The following DLG2 variants were observed in gnomAD, a reference collection of about 807,000 sequenced individuals.
DLG2 encodes the protein disks large homolog 2.
A neutral mutation model predicts 132.5 loss-of-function variants in DLG2; 45 were observed. The ratio of observed to expected loss-of-function variants is 0.34; its 90% CI spans 0.27 to 0.44. The LOEUF is 0.44. Ranked by LOEUF, DLG2 falls within the 20% of genes least tolerant of loss-of-function variation. The pLI is 1.00. For synonymous variants in DLG2, 424 were observed against 419.6 expected (o/e 1.01, Z -0.13); for missense variants, 1,045 against 1,196.9 (o/e 0.87, Z 1.87).
chr11:84,879,537 T>A (rs919923647), intron 6 of DLG2, among the ~76,000 whole-genome samples: 1 of 152,070 alleles, frequency 6.6e-6, no homozygotes, highest in Non-Finnish European at 1.5e-5. Flanking sequence ...GATGAAGATG[T>A]CAAGAGACAG....
At chr11:84,366,926 A>G (rs958142375) in intron 7 of DLG2, among the ~76,000 whole-genome samples, 2 of 152,106 alleles carry the variant, frequency 1.3e-5, no homozygotes, top group Non-Finnish European at 2.9e-5. Flanking sequence ...CAACAAGGAT[A>G]CCCAGGAATT....
chr11:84,984,591 T>C (rs1225082265), intron 6 of DLG2, among the ~76,000 whole-genome samples: 1 of 124,162 alleles, frequency 8.1e-6, no homozygotes, highest in East Asian at 3.2e-4. Context: ...AAAAAAACCT[T>C]CCAAGGTATA....
chr11:83,627,424 T>A (rs2062768208), intron 19 of DLG2, among the ~76,000 whole-genome samples: 1 of 152,022 alleles, frequency 6.6e-6, no homozygotes, highest in African/African-American at 2.4e-5. Flanking sequence ...CCATGTGTTC[T>A]CATTGTTCAA....
chr11:84,821,417 T>C lies in DLG2; in HGVS notation c.358-286686A>G, dbSNP rs61897879. Among the ~76,000 whole-genome samples the C allele has an allele frequency of 5.7e-3, 862 of 151,844 alleles. 5 individuals are homozygous for C. Among genetic ancestry groups the C allele is most frequent in the South Asian group, 0.015 (71 of 4,820 alleles). ...GTAGAAGAAGCCATATATAAATGAA[T>C]AAACGTGACCATATTCCAATAAAAC... is the stretch of plus-strand genomic sequence containing the variant. On this transcript the variant is annotated intron_variant, in intron 6 of 27. Transcript: ENST00000376104.
chr11:85,044,218 G>A (rs1358183589), intron 6 of DLG2, among the ~76,000 whole-genome samples: 1 of 151,902 alleles, frequency 6.6e-6, no homozygotes, highest in African/African-American at 2.4e-5. Context: ...TGCTGCTCCT[G>A]TTGTGCTACT....
chr11:84,325,175 G>A (rs1042958162), intron 7 of DLG2, among the ~76,000 whole-genome samples: 3 of 151,624 alleles, frequency 2.0e-5, no homozygotes, highest in African/African-American at 7.3e-5. Flanking sequence ...TATATTGTAA[G>A]GTAATTTTCT....
intron 4 of DLG2, among the ~76,000 whole-genome samples, chr11:85,180,876 A>T (rs867373825): frequency 2.2e-4 from 34 of 151,914 alleles, no homozygotes; most frequent in Admixed American, 1.6e-3. Context: ...GGTTTCTGAC[A>T]TGAATTACTT....
chr11:84,014,000 T>C (rs1454578874), intron 11 of DLG2, among the ~76,000 whole-genome samples: 1 of 151,926 alleles, frequency 6.6e-6, no homozygotes, highest in African/African-American at 2.4e-5. Context: ...CTTGAGTATA[T>C]CTTCACAATG....
At chr11:85,589,608 T>C (rs1161955616) in intron 3 of DLG2, among the ~76,000 whole-genome samples, 5 of 152,110 alleles carry the variant, frequency 3.3e-5, no homozygotes, top group Non-Finnish European at 7.4e-5. Context: ...GCTGCCTCTG[T>C]TGCCAGGAAA....
intron 17 of DLG2, among the ~76,000 whole-genome samples, chr11:83,809,391 G>A (rs2046706379): frequency 6.6e-6 from 1 of 152,122 alleles, no homozygotes; most frequent in Non-Finnish European, 1.5e-5. Context: ...TCAAGGACAA[G>A]CCTCAAGTTA....
intron 3 of DLG2, among the ~76,000 whole-genome samples, chr11:85,527,949 G>T (rs973635760): frequency 2.0e-5 from 3 of 152,204 alleles, no homozygotes; most frequent in Non-Finnish European, 4.4e-5. Context: ...AATGACCAGT[G>T]ATGATGAGCT....
intron 6 of DLG2, among the ~76,000 whole-genome samples, chr11:84,579,245 C>A (rs1169537617): frequency 6.7e-6 from 1 of 149,998 alleles, no homozygotes; most frequent in East Asian, 2.0e-4. Context: ...CACAACTAAT[C>A]CTAACCTTTG....
chr11:84,993,593 C>T (rs896045253), intron 6 of DLG2, among the ~76,000 whole-genome samples: 1 of 152,158 alleles, frequency 6.6e-6, no homozygotes, highest in African/African-American at 2.4e-5. Context: ...TACTTTACTG[C>T]CTCGCCACTG....
At chr11:84,323,881 G>A (rs1352488012) in intron 7 of DLG2, among the ~76,000 whole-genome samples, 1 of 151,826 alleles carries the variant, frequency 6.6e-6, no homozygotes, top group Middle Eastern at 3.4e-3. Flanking sequence ...TATCATTCAG[G>A]TCCTTTCCCA....
chr11:83,800,422 G>C (rs759192381), intron 17 of DLG2, among the ~76,000 whole-genome samples: 1 of 152,198 alleles, frequency 6.6e-6, no homozygotes, highest in Non-Finnish European at 1.5e-5. Flanking sequence ...GTTTCAGAGT[G>C]AGTGAACTAT....
At chr11:85,609,716 T>A (rs533884622) in intron 2 of DLG2, among the ~76,000 whole-genome samples, 1 of 152,272 alleles carries the variant, frequency 6.6e-6, no homozygotes, top group African/African-American at 2.4e-5. Context: ...GCTCATGTTA[T>A]CACCCTCACT....
intron 6 of DLG2, among the ~76,000 whole-genome samples, chr11:85,033,035 T>G (rs536150191): frequency 2.2e-4 from 34 of 152,308 alleles, no homozygotes; most frequent in Non-Finnish European, 4.3e-4. Flanking sequence ...TACTCAGTCT[T>G]GCAAAATGCA....
intron 3 of DLG2, among the ~76,000 whole-genome samples, chr11:85,530,506 A>T (rs918806368): frequency 6.6e-6 from 1 of 151,780 alleles, no homozygotes; most frequent in Non-Finnish European, 1.5e-5. Context: ...TATTTTTAGT[A>T]GAAATGGGGT....
At chr11:83,861,754 G>C (rs938356501) in intron 16 of DLG2, among the ~76,000 whole-genome samples, 1 of 152,082 alleles carries the variant, frequency 6.6e-6, no homozygotes, top group Non-Finnish European at 1.5e-5. Flanking sequence ...TGGGGGGAAG[G>C]TGGGATGGTT....
Sources: allele counts gnomAD v4.1 joint callset (sites outside exome capture counted in the v4.1 genomes callset), GRCh38; gene constraint gnomAD v4.1.1; transcripts MANE v1.5; gene names NCBI Gene and HGNC (gene_info 2026-07-23, HGNC 2026-07-21).